Variants in FOXN3 observed in about 807,000 individuals in gnomAD.
FOXN3 encodes forkhead box protein N3.
Under a neutral mutation model 38.4 loss-of-function variants are expected in FOXN3, and 7 were observed. That is an observed-to-expected ratio of 0.18 (90% CI 0.10 to 0.34). The LOEUF (loss-of-function observed/expected upper bound fraction) is 0.34. Among genes scored for constraint, FOXN3 ranks in the 10% least tolerant of loss-of-function variants. The probability of loss-of-function intolerance (pLI) is 1.00; values close to 1 mark genes in which losing one functional copy is unlikely to be tolerated. For missense variants in FOXN3, 456 were observed against 613.4 expected, an observed-to-expected ratio of 0.74 and a Z score of 2.71; for synonymous variants, 230 against 242.2, an observed-to-expected ratio of 0.95 and a Z score of 0.47.
chr14:89,204,052 T>TACACACACAC (rs10559428), intron 4 of FOXN3, among the ~76,000 whole-genome samples: 5 of 133,760 alleles, frequency 3.7e-5, no homozygotes, highest in South Asian at 2.8e-4. Context: ...CATACTCCCT[T>TACACACACAC]ACACACACAC....
chr14:89,483,568 C>A (rs997936100), intron 1 of FOXN3, among the ~76,000 whole-genome samples: 1 of 152,136 alleles, frequency 6.6e-6, no homozygotes, highest in Non-Finnish European at 1.5e-5. Flanking sequence ...ACCATCACAC[C>A]CAGCTAATTT....
At chr14:89,221,388 T>C (rs1444527347) in intron 4 of FOXN3, among the ~76,000 whole-genome samples, 1 of 152,180 alleles carries the variant, frequency 6.6e-6, no homozygotes, top group Non-Finnish European at 1.5e-5. Context: ...GCCACCTTCT[T>C]TTCTTTCTCT....
At chr14:89,582,185 A>G (rs971430675) in intron 1 of FOXN3, among the ~76,000 whole-genome samples, 3 of 152,118 alleles carry the variant, frequency 2.0e-5, no homozygotes, top group Admixed American at 6.5e-5. Flanking sequence ...GTAAATCATT[A>G]TGTCCATCCT....
intron 1 of FOXN3, among the ~76,000 whole-genome samples, chr14:89,606,380 CTTTAT>C (rs1030632050): frequency 1.3e-5 from 2 of 151,932 alleles, no homozygotes; most frequent in African/African-American, 2.4e-5. Flanking sequence ...TAGAAAAACT[CTTTAT>C]TTTAAGAAGG....
At chr14:89,459,674 C>T (rs1163558417) in intron 1 of FOXN3, among the ~76,000 whole-genome samples, 1 of 152,174 alleles carries the variant, frequency 6.6e-6, no homozygotes. Context: ...TGGAAGCATA[C>T]CCTTCCTCAC....
At chr14:89,452,705 G>A (rs960872640) in intron 1 of FOXN3, among the ~76,000 whole-genome samples, 12 of 152,142 alleles carry the variant, frequency 7.9e-5, no homozygotes, top group African/African-American at 2.9e-4. Context: ...AACAGCCTAA[G>A]GACAGGGGTC....
chr14:89,234,590 T>A (rs1209417583), intron 4 of FOXN3, among the ~76,000 whole-genome samples: 1 of 152,020 alleles, frequency 6.6e-6, no homozygotes, highest in Non-Finnish European at 1.5e-5. Context: ...TCTCATGATA[T>A]CTGGTTGTTT....
intron 4 of FOXN3, among the ~76,000 whole-genome samples, chr14:89,253,846 A>G (rs1422556474): frequency 1.3e-5 from 2 of 152,186 alleles, no homozygotes; most frequent in Non-Finnish European, 1.5e-5. Context: ...TCCGGACTCC[A>G]GCTGTATGCC....
In FOXN3 at chr14:89,538,582, G is replaced by A. The variant is rs146890532; in HGVS notation, c.-15+80446C>T. ...TGCCCAGGCTGGAATGCAATGGCAC[G>A]ATCTTGGCTCACCACAACCTCTGCC... On this transcript the variant is annotated intron_variant, in intron 1 of 6. Transcript: ENST00000345097. 2.2e-3 allele frequency among the ~76,000 whole-genome samples: 335 copies of A among 152,144 alleles called. 2 individuals are homozygous for A. Among genetic ancestry groups the A allele is most frequent in the African/African-American group, 7.5e-3 (312 of 41,530 alleles).
At position 89,391,949 on chromosome 14, in the gene FOXN3, G is replaced by C. The variant is rs572461450; in HGVS notation, c.543+19985C>G. On this transcript the variant is annotated intron_variant, in intron 2 of 5. Transcript: ENST00000557258. ...TTGAACCCAGGAGGTGGAAGTTGCAGTGAGCTGAGATGGCACCACTGCAAT... is the reference window on the plus strand; with the variant it reads ...TTGAACCCAGGAGGTGGAAGTTGCACTGAGCTGAGATGGCACCACTGCAAT... 2.0e-5 allele frequency among the ~76,000 whole-genome samples: 3 copies of C among 152,288 alleles called. No individual in the cohort carries two copies. The East Asian group carries it at 5.8e-4, about 29-fold the overall frequency.
intron 4 of FOXN3, among the ~76,000 whole-genome samples, chr14:89,268,811 G>C (rs1001167420): frequency 9.2e-5 from 14 of 152,192 alleles, no homozygotes; most frequent in African/African-American, 3.4e-4. Context: ...ATGGGAAGTG[G>C]AGGGGTGGGA....
intron 4 of FOXN3, among the ~76,000 whole-genome samples, chr14:89,250,407 A>T (rs1438019133): frequency 1.3e-5 from 2 of 152,254 alleles, no homozygotes; most frequent in Non-Finnish European, 2.9e-5. Flanking sequence ...CACTGCATCC[A>T]GCCTGGTTTT....
intron 4 of FOXN3, among the ~76,000 whole-genome samples, chr14:89,212,262 T>A (rs1335344660): frequency 6.6e-6 from 1 of 152,190 alleles, no homozygotes; most frequent in Non-Finnish European, 1.5e-5. Context: ...ATCTCACAAT[T>A]CACAAGGATC....
At chr14:89,570,974 A>G (rs1566704163) in intron 1 of FOXN3, among the ~76,000 whole-genome samples, 1 of 152,166 alleles carries the variant, frequency 6.6e-6, no homozygotes, top group East Asian at 1.9e-4. Flanking sequence ...TTTTAACTAT[A>G]ACTATCCAGA....
chr14:89,591,336 C>A (rs1369537489), intron 1 of FOXN3, among the ~76,000 whole-genome samples: 1 of 152,208 alleles, frequency 6.6e-6, no homozygotes, highest in Non-Finnish European at 1.5e-5. Context: ...CCTTGCCCAC[C>A]TGGCTCCCAG....
intron 3 of FOXN3, among the ~76,000 whole-genome samples, chr14:89,331,011 T>G (rs1436177043): frequency 1.3e-5 from 2 of 152,238 alleles, no homozygotes; most frequent in Non-Finnish European, 2.9e-5. Context: ...CTTCTTCTTT[T>G]GCGCCTAGAT....
chr14:89,496,139 G>A (rs890925823), intron 1 of FOXN3, among the ~76,000 whole-genome samples: 3 of 152,116 alleles, frequency 2.0e-5, no homozygotes, highest in Non-Finnish European at 4.4e-5. Flanking sequence ...CTTGAACCCG[G>A]GAGGCGGAGG....
intron 4 of FOXN3, among the ~76,000 whole-genome samples, chr14:89,216,153 G>A (rs1232156897): frequency 6.6e-6 from 1 of 152,156 alleles, no homozygotes; most frequent in Non-Finnish European, 1.5e-5. Context: ...ACTTACAGAG[G>A]ACTTCCTGTG....
In FOXN3 at chr14:89,350,891, T is replaced by G. The variant is rs910129048; in HGVS notation, c.544-83A>C. ...TAAGTAGATGTATAGCTATTATCACTTCTTTATTTTTAAAAGCTTCTCATT... is the reference window on the plus strand; with the variant it reads ...TAAGTAGATGTATAGCTATTATCACGTCTTTATTTTTAAAAGCTTCTCATT... On this transcript the variant is annotated intron_variant, in intron 2 of 5. Coordinates refer to ENST00000557258, the MANE Select transcript of FOXN3 (RefSeq NM_005197.4). The G allele has an allele frequency of 1.6e-5, 17 of 1,040,956 alleles. No individual in the cohort carries two copies. In the East Asian group the frequency reaches 3.8e-4, roughly 23 times the overall value. 64.5% of individuals were successfully genotyped at this position (1,040,956 alleles called of 1,614,324 possible). A position where few individuals can be genotyped will look rare whatever the true frequency, so the allele number is the denominator to read the frequency against.
Sources: gnomAD v4.1 joint callset for allele counts (sites outside exome capture counted in the v4.1 genomes callset) on GRCh38, gnomAD v4.1.1 for gene constraint, MANE v1.5 for transcripts, NCBI Gene and HGNC (gene_info 2026-07-23, HGNC 2026-07-21) for gene names.